The following ELMOD2 variants were observed in gnomAD, a reference collection of about 807,000 sequenced individuals.
ELMOD2 encodes the protein ELMO domain containing 2, also known as ELMO domain-containing protein 2.
ELMOD2 carries 28 observed loss-of-function variants against 41.0 expected under a neutral mutation model. The observed-to-expected ratio is 0.68, with a 90% CI of 0.51 to 0.94. The LOEUF (loss-of-function observed/expected upper bound fraction) is 0.94. ELMOD2 is among the 40% of genes least tolerant of loss of function. ELMOD2 has a pLI of 0.00. For missense variants in ELMOD2, 333 were observed against 343.1 expected (o/e 0.97, Z 0.23); for synonymous variants, 106 against 107.2 (o/e 0.99, Z 0.07).
chr4:140,537,624 TAGAGGCTTATATGG>T (rs1283029891), intron 5 of ELMOD2, 83 bp downstream of exon 5: 31 of 1,522,390 alleles, frequency 2.0e-5, no homozygotes, highest in Non-Finnish European at 2.5e-5. Flanking sequence ...CTGCAAATTC[TAGAGGCTTATATGG>T]CTAGGCTTAT....
At chr4:140,528,465 A>G (rs907761081) in intron 3 of ELMOD2, among the ~76,000 whole-genome samples, 1 of 152,198 alleles carries the variant, frequency 6.6e-6, no homozygotes, top group African/African-American at 2.4e-5. Context: ...AAATATTTAG[A>G]AACCATTGGT....
At chr4:140,540,347 T>G in intron 6 of ELMOD2, 46 bp downstream of exon 6, 1 of 1,603,944 alleles carries the variant, frequency 6.2e-7, no homozygotes, top group Non-Finnish European at 8.5e-7. Flanking sequence ...GAAATTACAT[T>G]TAATCTCTGA....
intron 8 of ELMOD2, among the ~76,000 whole-genome samples, chr4:140,544,898 G>T (rs949770676): frequency 4.0e-4 from 61 of 152,222 alleles, no homozygotes; most frequent in African/African-American, 1.4e-3. Flanking sequence ...AGGCCCTGGG[G>T]ATGTAGCAGA....
chr4:140,533,320 G>A (rs1191248463), intron 3 of ELMOD2, among the ~76,000 whole-genome samples: 3 of 152,104 alleles, frequency 2.0e-5, no homozygotes, highest in African/African-American at 7.2e-5. Flanking sequence ...ATAGTCAAAA[G>A]ATGAATATAA....
chr4:140,527,613 C>T, intron 3 of ELMOD2, 119 bp downstream of exon 3: 1 of 792,858 alleles, frequency 1.3e-6, no homozygotes, highest in Non-Finnish European at 2.0e-6. Context: ...GTGAAATTTT[C>T]CCCGTTTAGA....
intron 2 of ELMOD2, chr4:140,526,509 G>A (rs1734566249): frequency 6.6e-6 from 1 of 152,066 alleles, no homozygotes; most frequent in African/African-American, 2.4e-5. Flanking sequence ...ACGGAAAATT[G>A]TGAATTAGCC....
chr4:140,539,905 G>T (rs1477876505), intron 5 of ELMOD2, among the ~76,000 whole-genome samples: 1 of 151,724 alleles, frequency 6.6e-6, no homozygotes, highest in South Asian at 2.1e-4. Flanking sequence ...ACCAGTTCTG[G>T]GCATATCTGT....
intron 2 of ELMOD2, among the ~76,000 whole-genome samples, chr4:140,525,814 T>C (rs1224365928): frequency 6.6e-6 from 1 of 152,246 alleles, no homozygotes; most frequent in Non-Finnish European, 1.5e-5. Flanking sequence ...CGGTTATTCC[T>C]TAGATTATAG....
chr4:140,540,579 C>A (rs1735074341), intron 6 of ELMOD2, among the ~76,000 whole-genome samples: 1 of 151,972 alleles, frequency 6.6e-6, no homozygotes, highest in South Asian at 2.1e-4. Context: ...TATAGTGAGA[C>A]CCTGTCTCTA....
chr4:140,537,517 A>G lies in ELMOD2; in HGVS notation c.375A>G (p.Leu125=), dbSNP rs553898081. 6 of 1,599,758 alleles carry G rather than the reference A, an allele frequency of 3.8e-6. No individual in the cohort carries two copies. The highest frequency in any genetic ancestry group is 2.3e-5 in the East Asian group (1 of 43,780). Residue 125 remains leucine (L), a synonymous_variant, in exon 5 of 9, where the codon CTA becomes CTG. Transcript: ENST00000323570. ...VRKRPYDSDN[L]QHEELLMKLW... ...AAAGGCCATATGATTCTGATAACCT[A>G]CAGCATGAAGAGCTACTCATGAAGG... is the stretch of plus-strand genomic sequence containing the variant.
At chr4:140,524,811 C>G (rs1164754117) in intron 1 of ELMOD2, 2 of 214,658 alleles carry the variant, frequency 9.3e-6, no homozygotes, top group African/African-American at 4.7e-5. Flanking sequence ...CGAGTGTGTA[C>G]TTAGCAAAAC....
intron 8 of ELMOD2, among the ~76,000 whole-genome samples, chr4:140,546,267 A>G (rs890646604): frequency 2.0e-5 from 3 of 151,982 alleles, no homozygotes; most frequent in Admixed American, 6.6e-5. Context: ...GTTATCACTC[A>G]TAGGTGGGAC....
In ELMOD2 at chr4:140,550,475, A is replaced by T. The variant is rs564188151; in HGVS notation, c.*100A>T. 3,731 of 1,185,366 alleles carry T rather than the reference A, an allele frequency of 3.1e-3. 91 individuals are homozygous for T. The African/African-American group carries it at 0.051, about 16-fold the overall frequency. 73.4% of individuals were successfully genotyped at this position (1,185,366 alleles called of 1,614,324 possible). On this transcript the variant is annotated 3_prime_UTR_variant, in exon 9 of 9. Transcript: ENST00000323570. Reference sequence around the variant, plus strand: ...CTGATCAATTACACTCTTATATATAATTTCCTACAAAAATATTTCAGAAAT... The same window carrying T: ...CTGATCAATTACACTCTTATATATATTTTCCTACAAAAATATTTCAGAAAT...
intron 3 of ELMOD2, among the ~76,000 whole-genome samples, chr4:140,534,781 G>C (rs1043923608): frequency 2.6e-5 from 4 of 152,176 alleles, no homozygotes; most frequent in Non-Finnish European, 5.9e-5. Context: ...GGAGAACATA[G>C]AGAAAATATG....
intron 3 of ELMOD2, among the ~76,000 whole-genome samples, chr4:140,534,973 C>G (rs529403318): frequency 6.6e-6 from 1 of 152,210 alleles, no homozygotes; most frequent in African/African-American, 2.4e-5. Flanking sequence ...GTCCTTTTAC[C>G]AGTGCTGGTA....
rs1735478147 is a variant in ELMOD2 at position 140,551,849 on chromosome 4, T to A, written c.*1474T>A. ...AGACATATCCAATTGGAAAATAAGA[T>A]GCAGTGTTGTATAGCACATACATTT... is the stretch of plus-strand genomic sequence containing the variant. On this transcript the variant is annotated 3_prime_UTR_variant, in exon 9 of 9. Coordinates refer to ENST00000323570, the MANE Select transcript of ELMOD2 (RefSeq NM_153702.4). 1 of 152,038 alleles carries A rather than the reference T, an allele frequency of 6.6e-6. No homozygotes were observed. Among genetic ancestry groups the A allele is most frequent in the Non-Finnish European group, 1.5e-5 (1 of 67,916 alleles). 9.4% of individuals were successfully genotyped at this position (152,038 alleles called of 1,614,324 possible).
At chr4:140,548,585 C>G (rs985473110) in intron 8 of ELMOD2, among the ~76,000 whole-genome samples, 9 of 152,044 alleles carry the variant, frequency 5.9e-5, no homozygotes, top group African/African-American at 1.9e-4. Flanking sequence ...TCATGATAGT[C>G]TAGCCACCCT....
Position 140,543,567 on chromosome 4 carries a change from A to T in ELMOD2, c.717A>T (p.Glu239Asp), listed in dbSNP as rs150835853. The change falls in exon 8 of 9, where the codon GAA (glutamate) becomes GAT (aspartate). Residue 239 changes from glutamate to aspartate, a missense_variant. Coordinates refer to ENST00000323570, the MANE Select transcript of ELMOD2 (RefSeq NM_153702.4). ...TTGTTCCTGGTATACCAACAATGGAACACTTTCATCAGTTTTACTGTGAGT... is the reference window on the plus strand; with the variant it reads ...TTGTTCCTGGTATACCAACAATGGATCACTTTCATCAGTTTTACTGTGAGT... ...YNLVPGIPTM[E>D]HFHQFYCYLV... 162 of 1,596,744 alleles carry T rather than the reference A, an allele frequency of 1.0e-4. No individual in the cohort carries two copies. Among genetic ancestry groups the T allele is most frequent in the Admixed American group, 3.7e-4 (20 of 54,690 alleles).
At chr4:140,547,332 T>G (rs1260943024) in intron 8 of ELMOD2, among the ~76,000 whole-genome samples, 1 of 152,178 alleles carries the variant, frequency 6.6e-6, no homozygotes, top group East Asian at 1.9e-4. Context: ...CGTTTGTAGT[T>G]TAGCTTTTTA....
Sources: gnomAD v4.1 joint callset for allele counts (sites outside exome capture counted in the v4.1 genomes callset) on GRCh38, gnomAD v4.1.1 for gene constraint, MANE v1.5 for transcripts, NCBI Gene and HGNC (gene_info 2026-07-23, HGNC 2026-07-21) for gene names.